Variants in GPR158 observed in about 807,000 individuals in gnomAD.
GPR158 encodes the protein metabotropic glycine receptor.
Under a neutral mutation model 78.2 loss-of-function variants are expected in GPR158, and 30 were observed. The observed-to-expected ratio is 0.38, with a 90% CI of 0.29 to 0.52. The LOEUF (loss-of-function observed/expected upper bound fraction) is 0.52, where lower values mean the gene tolerates loss of function less well. Among genes scored for constraint, GPR158 ranks in the 20% least tolerant of loss-of-function variants. The pLI is 0.83. For missense variants in GPR158, 1,463 were observed against 1,523.5 expected, an observed-to-expected ratio of 0.96 and a Z score of 0.66; for synonymous variants, 581 against 591.1, an observed-to-expected ratio of 0.98 and a Z score of 0.25.
At chr10:25,290,829 A>G (rs976220314) in intron 2 of GPR158, among the ~76,000 whole-genome samples, 1 of 152,088 alleles carries the variant, frequency 6.6e-6, no homozygotes, top group African/African-American at 2.4e-5. Flanking sequence ...TCAAATATTT[A>G]ATTAAAACCT....
chr10:25,484,132 A>G (rs2130639608), intron 5 of GPR158, among the ~76,000 whole-genome samples: 1 of 152,146 alleles, frequency 6.6e-6, no homozygotes, highest in Non-Finnish European at 1.5e-5. Flanking sequence ...CTAAAGCCCT[A>G]CCCCACTGTT....
At chr10:25,332,156 T>C (rs1198936424) in intron 2 of GPR158, among the ~76,000 whole-genome samples, 1 of 152,164 alleles carries the variant, frequency 6.6e-6, no homozygotes. Context: ...TACCTAGAGA[T>C]TCTGATTCAG....
intron 2 of GPR158, among the ~76,000 whole-genome samples, chr10:25,359,154 C>T (rs1855593386): frequency 6.6e-6 from 1 of 151,928 alleles, no homozygotes; most frequent in Admixed American, 6.6e-5. Context: ...TAAGTACATA[C>T]ATGTTAATAT....
intron 5 of GPR158, among the ~76,000 whole-genome samples, chr10:25,474,888 A>T (rs534956427): frequency 6.6e-6 from 1 of 152,284 alleles, no homozygotes; most frequent in East Asian, 1.9e-4. Context: ...ATATTTATTT[A>T]GCATCTGCAG....
chr10:25,192,244 T>G (rs374260472), intron 1 of GPR158, among the ~76,000 whole-genome samples: 1 of 152,208 alleles, frequency 6.6e-6, no homozygotes, highest in African/African-American at 2.4e-5. Context: ...TGCCACCTTA[T>G]GAAGAAGGTG....
chr10:25,175,085 C>T lies in GPR158; in HGVS notation c.-336C>T. 4.3e-6 allele frequency: 1 copy of T among 233,554 alleles called. No homozygotes were observed. The highest frequency in any genetic ancestry group is 8.3e-6 in the Non-Finnish European group (1 of 120,294). The allele number at this position is 233,554 out of a possible 1,614,324, so 14.5% of individuals were successfully genotyped here. A position where few individuals can be genotyped will look rare whatever the true frequency, so the allele number is the denominator to read the frequency against. ...TCAATGAGAGCGGCGGTGGCGGCAG[C>T]CGGGCCGAGAGACGGACTCGGGCTG... On this transcript the variant is annotated 5_prime_UTR_variant, in exon 1 of 11. Transcript: ENST00000376351. The surrounding 1 kb of genome is among the most constrained non-coding windows in gnomAD (Gnocchi z 6.4).
At chr10:25,517,110 G>A (rs1243683212) in intron 5 of GPR158, among the ~76,000 whole-genome samples, 1 of 148,566 alleles carries the variant, frequency 6.7e-6, no homozygotes, top group African/African-American at 2.6e-5. Context: ...TGGATTCCTA[G>A]GTATTTTATT....
At chr10:25,300,150 C>T (rs150106621) in intron 2 of GPR158, among the ~76,000 whole-genome samples, 2 of 152,326 alleles carry the variant, frequency 1.3e-5, no homozygotes, top group African/African-American at 4.8e-5. Context: ...CTGTAGATTA[C>T]AAGTCTGACA....
intron 4 of GPR158, among the ~76,000 whole-genome samples, chr10:25,422,299 A>C (rs1022193134): frequency 2.0e-5 from 3 of 152,316 alleles, no homozygotes; most frequent in East Asian, 1.9e-4. Context: ...GCGATGGGTG[A>C]GCCAGCATTA....
chr10:25,542,814 A>T, intron 5 of GPR158, among the ~76,000 whole-genome samples: 1 of 118,662 alleles, frequency 8.4e-6, no homozygotes. Context: ...CAAGAGTGAA[A>T]CTCCATCTCA....
At chr10:25,235,662 T>C (rs1269338040) in intron 2 of GPR158, among the ~76,000 whole-genome samples, 1 of 151,954 alleles carries the variant, frequency 6.6e-6, no homozygotes, top group East Asian at 1.9e-4. Context: ...GGACAGTTTT[T>C]TTTAGCCTAT....
intron 8 of GPR158, among the ~76,000 whole-genome samples, chr10:25,591,278 A>G (rs1017752524): frequency 5.3e-5 from 8 of 152,176 alleles, no homozygotes; most frequent in Admixed American, 3.3e-4. Context: ...TGCAAACTTA[A>G]TTGACCATGG....
At chr10:25,190,771 T>A (rs1852762062) in intron 1 of GPR158, among the ~76,000 whole-genome samples, 1 of 152,192 alleles carries the variant, frequency 6.6e-6, no homozygotes, top group Non-Finnish European at 1.5e-5. Flanking sequence ...TAAAAAAGAA[T>A]GTTTAAGCTT....
intron 2 of GPR158, among the ~76,000 whole-genome samples, chr10:25,251,356 A>G (rs1484915407): frequency 2.0e-5 from 3 of 151,190 alleles, no homozygotes; most frequent in East Asian, 2.0e-4. Context: ...TCCTGTCATT[A>G]TGATGTTAGC....
At chr10:25,500,931 GC>G (rs2130657793) in intron 5 of GPR158, among the ~76,000 whole-genome samples, 1 of 152,304 alleles carries the variant, frequency 6.6e-6, no homozygotes, top group South Asian at 2.1e-4. Flanking sequence ...GAGGTCTCCA[GC>G]TATGTTTGGC....
At chr10:25,281,197 C>T (rs766545101) in intron 2 of GPR158, among the ~76,000 whole-genome samples, 3 of 149,768 alleles carry the variant, frequency 2.0e-5, no homozygotes, top group Non-Finnish European at 4.4e-5. Flanking sequence ...TCCATCTTTT[C>T]GTAGGTTAAA....
At chr10:25,281,663 T>A (rs1016839234) in intron 2 of GPR158, among the ~76,000 whole-genome samples, 4 of 151,226 alleles carry the variant, frequency 2.6e-5, no homozygotes, top group Non-Finnish European at 5.9e-5. Context: ...CATAATCACT[T>A]AAGGAGGAAA....
intron 2 of GPR158, among the ~76,000 whole-genome samples, chr10:25,237,260 A>G (rs1024769540): frequency 1.1e-4 from 16 of 152,186 alleles, no homozygotes; most frequent in African/African-American, 3.9e-4. Context: ...TCCAGATAGA[A>G]CCTGGTTATT....
At chr10:25,289,060 A>G (rs375201072) in intron 2 of GPR158, among the ~76,000 whole-genome samples, 7 of 152,366 alleles carry the variant, frequency 4.6e-5, no homozygotes, top group South Asian at 2.1e-4. Flanking sequence ...GTGACTTACA[A>G]GCAACTTGGC....
Sources: gnomAD v4.1 joint callset for allele counts (sites outside exome capture counted in the v4.1 genomes callset) on GRCh38, gnomAD v4.1.1 for gene constraint, Gnocchi (gnomAD v3.1) non-coding constraint, MANE v1.5 for transcripts, NCBI Gene and HGNC (gene_info 2026-07-23, HGNC 2026-07-21) for gene names.